Variants in ALG13 observed in about 807,000 individuals in gnomAD.
ALG13 encodes UDP-N-acetylglucosamine transferase subunit ALG13.
ALG13 carries 11 observed loss-of-function variants against 87.8 expected under a neutral mutation model. That is an observed-to-expected ratio of 0.13 (90% CI 0.08 to 0.21). The LOEUF (loss-of-function observed/expected upper bound fraction) is 0.21. ALG13 is among the 10% of genes least tolerant of loss of function. ALG13 has a pLI of 1.00. For synonymous variants in ALG13, 320 were observed against 306.3 expected, an observed-to-expected ratio of 1.04 and a Z score of -0.47; for missense variants, 756 against 866.1, an observed-to-expected ratio of 0.87 and a Z score of 1.60.
At chrX:111,736,638 C>T in intron 22 of ALG13, 76 bp from the exon 23 acceptor site, 1 of 958,909 alleles carries the variant, frequency 1.0e-6, no homozygotes, top group Non-Finnish European at 1.4e-6. Context: ...TTACTATTTT[C>T]TGAAGTTTAG....
intron 3 of ALG13, among the ~76,000 whole-genome samples, chrX:111,695,532 A>AG (rs1936854717): frequency 1.8e-5 from 2 of 110,355 alleles, no homozygotes; most frequent in African/African-American, 6.6e-5. Flanking sequence ...TAAAAAAAAA[A>AG]AAAAAACAAA....
chrX:111,688,676 TG>T, intron 3 of ALG13: 1 of 752,144 alleles, frequency 1.3e-6, no homozygotes, highest in Non-Finnish European at 1.6e-6. Context: ...GACTTACTAT[TG>T]TTTTTTAAGG....
intron 12 of ALG13, among the ~76,000 whole-genome samples, 153 bp from the exon 13 acceptor site, chrX:111,722,640 G>A (rs1358606525): frequency 1.8e-5 from 2 of 112,116 alleles, no homozygotes; most frequent in Admixed American, 1.9e-4. Context: ...AACTCATCCA[G>A]AATGATAGAA....
At chrX:111,709,285 C>T (rs1217678885) in intron 5 of ALG13, among the ~76,000 whole-genome samples, 3 of 112,064 alleles carry the variant, frequency 2.7e-5, no homozygotes, top group African/African-American at 9.7e-5. Flanking sequence ...CTACTTACCT[C>T]GTCCTACGCC....
Position 111,760,293 on chromosome X carries a change from A to T in ALG13, c.*294A>T, listed in dbSNP as rs1945627907. 4.0e-6 allele frequency: 1 copy of T among 250,552 alleles called. No homozygotes were observed. Among genetic ancestry groups the T allele is most frequent in the Non-Finnish European group, 7.0e-6 (1 of 142,595 alleles). 20.6% of individuals were successfully genotyped at this position (250,552 alleles called of 1,213,427 possible). ...TGTCAGCTTTATATTAGCTGATGGT[A>T]CCAATTGATAAAATGAATATAAAGT... On this transcript the variant is annotated 3_prime_UTR_variant, in exon 27 of 27. Coordinates refer to ENST00000394780, the MANE Select transcript of ALG13 (RefSeq NM_001099922.3).
intron 24 of ALG13, among the ~76,000 whole-genome samples, chrX:111,748,049 C>T (rs902607728): frequency 2.7e-5 from 3 of 111,787 alleles, no homozygotes; most frequent in Non-Finnish European, 5.6e-5. Context: ...TTATGAAATC[C>T]GACGTAGAGC....
At chrX:111,717,485 C>CT (rs1429400756) in intron 8 of ALG13, among the ~76,000 whole-genome samples, 3 of 103,995 alleles carry the variant, frequency 2.9e-5, no homozygotes, top group Admixed American at 1.0e-4. Flanking sequence ...TTAGCTGGGT[C>CT]TTTTGGCATC....
chrX:111,702,912 A>T (rs1938134666), intron 3 of ALG13, among the ~76,000 whole-genome samples: 1 of 111,258 alleles, frequency 9.0e-6, no homozygotes, highest in Admixed American at 9.6e-5. Flanking sequence ...AAAGGTTGGA[A>T]ATAACTTCCC....
chrX:111,691,923 A>G (rs1034424327), intron 3 of ALG13, among the ~76,000 whole-genome samples: 3 of 111,838 alleles, frequency 2.7e-5, no homozygotes, highest in African/African-American at 9.8e-5. Context: ...TTAAAGTTTC[A>G]TTTTGGTCCT....
intron 3 of ALG13, among the ~76,000 whole-genome samples, chrX:111,695,164 G>GT (rs1936778649): frequency 9.0e-6 from 1 of 111,574 alleles, no homozygotes; most frequent in African/African-American, 3.3e-5. Context: ...AATGTTCTGG[G>GT]TTTTTTCCCT....
chrX:111,694,373 C>G (rs1936662769), intron 3 of ALG13, among the ~76,000 whole-genome samples: 1 of 112,227 alleles, frequency 8.9e-6, no homozygotes, highest in Admixed American at 9.4e-5. Context: ...TAATGTAACA[C>G]AAATTCAATA....
intron 5 of ALG13, 86 bp downstream of exon 5, chrX:111,709,134 A>T: frequency 2.1e-6 from 1 of 480,693 alleles, no homozygotes; most frequent in Non-Finnish European, 3.3e-6. Flanking sequence ...AAATTAAACT[A>T]TATCATGCTG....
chrX:111,722,977 T>G, intron 13 of ALG13, 120 bp downstream of exon 13: 1 of 507,579 alleles, frequency 2.0e-6, no homozygotes, highest in South Asian at 3.3e-5. Context: ...TTTAAAGAGA[T>G]AGGGTCTAGC....
rs1022394083 is a variant in ALG13 at position 111,682,421 on chromosome X, C to T, written c.244+127C>T. 5 of 466,081 alleles carry T rather than the reference C, an allele frequency of 1.1e-5. No individual in the cohort carries two copies. In the East Asian group the frequency reaches 2.1e-4, roughly 19 times the overall value. The allele number at this position is 466,081 out of a possible 1,213,427, so 38.4% of individuals were successfully genotyped here. A position where few individuals can be genotyped will look rare whatever the true frequency, so the allele number is the denominator to read the frequency against. ...ACAAAGGTAAACGTGTGCCATGCATCACCTAGGTATTAAGCCCAGCATCCA... is the reference window on the plus strand; with the variant it reads ...ACAAAGGTAAACGTGTGCCATGCATTACCTAGGTATTAAGCCCAGCATCCA... On this transcript the variant is annotated intron_variant, in intron 2 of 26. Coordinates refer to ENST00000394780, the MANE Select transcript of ALG13 (RefSeq NM_001099922.3).
At chrX:111,730,679 G>A (rs1388839139) in intron 21 of ALG13, 99 bp downstream of exon 21, 10 of 587,171 alleles carry the variant, frequency 1.7e-5, no homozygotes, top group African/African-American at 1.2e-4. Flanking sequence ...GAACAACCCT[G>A]TGAGGCTTAG....
intron 22 of ALG13, among the ~76,000 whole-genome samples, chrX:111,735,577 G>T (rs1298853592): frequency 9.0e-6 from 1 of 111,414 alleles, no homozygotes; most frequent in African/African-American, 3.3e-5. Context: ...TAGAAAATGG[G>T]CAGAGAAGGA....
intron 24 of ALG13, among the ~76,000 whole-genome samples, chrX:111,749,350 A>G (rs1247327806): frequency 1.8e-5 from 2 of 111,087 alleles, no homozygotes; most frequent in Non-Finnish European, 3.8e-5. Context: ...TCAAAAATCA[A>G]ATGACTGTTT....
chrX:111,727,532 A>G, intron 17 of ALG13, 82 bp from the exon 18 acceptor site: 4 of 1,095,928 alleles, frequency 3.6e-6, no homozygotes, highest in South Asian at 4.2e-5. Context: ...CAACTTTGAG[A>G]TATTTGAACT....
intron 1 of ALG13, chrX:111,681,513 C>T (rs900041989): frequency 3.0e-6 from 3 of 1,005,513 alleles, no homozygotes; most frequent in Non-Finnish European, 3.9e-6. Flanking sequence ...GTTTCCTCTT[C>T]CCATTATTCC....
Sources: allele counts gnomAD v4.1 joint callset (sites outside exome capture counted in the v4.1 genomes callset), GRCh38; gene constraint gnomAD v4.1.1; transcripts MANE v1.5; gene names NCBI Gene and HGNC (gene_info 2026-07-23, HGNC 2026-07-21).